Variants in PTPRK observed in about 807,000 individuals in gnomAD.
PTPRK encodes protein tyrosine phosphatase receptor type K.
Under a neutral mutation model 178.0 loss-of-function variants are expected in PTPRK, and 75 were observed. The ratio of observed to expected loss-of-function variants is 0.42; its 90% CI spans 0.35 to 0.51. The LOEUF (loss-of-function observed/expected upper bound fraction) is 0.51, where lower values mean the gene tolerates loss of function less well. PTPRK is among the 20% of genes least tolerant of loss of function. PTPRK has a pLI of 0.02. For synonymous variants in PTPRK, 637 were observed against 620.6 expected (o/e 1.03, Z -0.39); for missense variants, 1,441 against 1,797.8 (o/e 0.80, Z 3.59).
chr6:128,285,814 A>AAAAT (rs200532531), intron 3 of PTPRK, among the ~76,000 whole-genome samples: 11,991 of 151,756 alleles, frequency 0.079, 547 homozygotes, highest in African/African-American at 0.11. Context: ...AAAAGTCTCC[A>AAAAT]AAATAAATAA....
intron 1 of PTPRK, among the ~76,000 whole-genome samples, chr6:128,426,901 G>A (rs1844210880): frequency 1.3e-5 from 2 of 152,174 alleles, no homozygotes; most frequent in South Asian, 4.1e-4. Flanking sequence ...TCAGGGCCTT[G>A]ACTTTTCCTG....
At chr6:128,014,083 C>G (rs1054346814) in intron 13 of PTPRK, among the ~76,000 whole-genome samples, 1 of 151,496 alleles carries the variant, frequency 6.6e-6, no homozygotes, top group Non-Finnish European at 1.5e-5. Flanking sequence ...GAAAGACCAC[C>G]ACTAAGCCTG....
chr6:128,438,061 C>T (rs1035706124), intron 1 of PTPRK, among the ~76,000 whole-genome samples: 2 of 152,236 alleles, frequency 1.3e-5, no homozygotes, highest in African/African-American at 4.8e-5. Flanking sequence ...TAATTTCAAT[C>T]ACCATTTGGA....
chr6:128,265,149 T>G (rs1212152837), intron 3 of PTPRK, among the ~76,000 whole-genome samples: 1 of 152,034 alleles, frequency 6.6e-6, no homozygotes, highest in Non-Finnish European at 1.5e-5. Flanking sequence ...AGAAACGAAG[T>G]GACAAGCTCA....
Position 128,427,066 on chromosome 6 carries a change from G to A in PTPRK, c.101-29378C>T, listed in dbSNP as rs1026674609. Among the ~76,000 whole-genome samples the A allele has an allele frequency of 5.9e-5, 9 of 152,160 alleles. No homozygotes were observed. The East Asian group carries it at 7.7e-4, about 13-fold the overall frequency. On this transcript the variant is annotated intron_variant, in intron 1 of 29. Transcript: ENST00000368226. ...GTAGTTCCCCATCATGTGTTCTAACGTGCCATTAGTACTGAACAGGCACAT... is the reference window on the plus strand; with the variant it reads ...GTAGTTCCCCATCATGTGTTCTAACATGCCATTAGTACTGAACAGGCACAT...
At chr6:128,215,912 A>G (rs1809193044) in intron 6 of PTPRK, among the ~76,000 whole-genome samples, 1 of 152,082 alleles carries the variant, frequency 6.6e-6, no homozygotes, top group Admixed American at 6.6e-5. Context: ...AGCACAGTTA[A>G]TTCTCAGCAC....
chr6:128,143,629 T>C (rs1221776613), intron 7 of PTPRK, among the ~76,000 whole-genome samples: 1 of 152,164 alleles, frequency 6.6e-6, no homozygotes, highest in Non-Finnish European at 1.5e-5. Context: ...TCATGGGCTC[T>C]AGTGCTCCCA....
At chr6:128,030,695 A>T (rs1473013024) in intron 13 of PTPRK, among the ~76,000 whole-genome samples, 1 of 152,214 alleles carries the variant, frequency 6.6e-6, no homozygotes, top group Non-Finnish European at 1.5e-5. Flanking sequence ...TAGCAGCTGG[A>T]TTATTCTTTT....
intron 1 of PTPRK, among the ~76,000 whole-genome samples, chr6:128,428,971 G>A (rs760090428): frequency 2.0e-5 from 3 of 152,170 alleles, no homozygotes; most frequent in Non-Finnish European, 4.4e-5. Context: ...AAGCTAGGTT[G>A]TAATTTTCAT....
intron 6 of PTPRK, among the ~76,000 whole-genome samples, chr6:128,198,293 T>C (rs1805281426): frequency 6.6e-6 from 1 of 152,226 alleles, no homozygotes; most frequent in African/African-American, 2.4e-5. Context: ...TTTCATGATC[T>C]GTCCCCTGCT....
intron 2 of PTPRK, among the ~76,000 whole-genome samples, chr6:128,334,319 A>G (rs1830636965): frequency 6.6e-6 from 1 of 152,182 alleles, no homozygotes; most frequent in South Asian, 2.1e-4. Flanking sequence ...AAGCACAATA[A>G]AACAAGGTAT....
rs553381318 is a variant in PTPRK at position 128,018,484 on chromosome 6, A to G, written c.2195-9216T>C. On this transcript the variant is annotated intron_variant, in intron 13 of 29. Coordinates refer to ENST00000368226, the MANE Select transcript of PTPRK (RefSeq NM_002844.4). ...AACACTAATAGTGAACATTCTTGTC[A>G]GGTGGCCTTAATTTTTTTTTTTTTT... Among the ~76,000 whole-genome samples, 249 of 151,968 alleles carry G rather than the reference A, an allele frequency of 1.6e-3. 1 individual carries two copies. Among genetic ancestry groups the G allele is most frequent in the Non-Finnish European group, 2.9e-3 (196 of 67,946 alleles).
At chr6:128,111,182 C>T (rs1040872994) in intron 7 of PTPRK, among the ~76,000 whole-genome samples, 1 of 152,144 alleles carries the variant, frequency 6.6e-6, no homozygotes, top group Non-Finnish European at 1.5e-5. Context: ...CAACCAAAGA[C>T]CATGTAAAAA....
At chr6:128,007,345 G>A (rs1264277404) in intron 14 of PTPRK, among the ~76,000 whole-genome samples, 1 of 150,620 alleles carries the variant, frequency 6.6e-6, no homozygotes, top group Non-Finnish European at 1.5e-5. Context: ...GCTTTTCCTG[G>A]GTATAAAGGT....
intron 21 of PTPRK, among the ~76,000 whole-genome samples, chr6:127,989,433 CA>C (rs1287547575): frequency 6.6e-6 from 1 of 151,880 alleles, no homozygotes; most frequent in Non-Finnish European, 1.5e-5. Context: ...GGATAACTCA[CA>C]AGTATTTTTA....
intron 3 of PTPRK, among the ~76,000 whole-genome samples, chr6:128,299,671 G>A (rs1825204239): frequency 6.6e-6 from 1 of 152,088 alleles, no homozygotes; most frequent in Non-Finnish European, 1.5e-5. Context: ...CTAGCCTTAT[G>A]TAGAAAGCTG....
At chr6:128,219,898 G>C (rs529161384) in intron 5 of PTPRK, among the ~76,000 whole-genome samples, 2 of 152,270 alleles carry the variant, frequency 1.3e-5, no homozygotes, top group East Asian at 1.9e-4. Flanking sequence ...GAATAATTTA[G>C]AGTCAAACCA....
At chr6:128,333,544 T>TAA (rs11408559) in intron 2 of PTPRK, among the ~76,000 whole-genome samples, 18,887 of 151,608 alleles carry the variant, frequency 0.12, 1,810 homozygotes, top group African/African-American at 0.26. Flanking sequence ...AGTTTATTGC[T>TAA]AAAAAAAATG....
At chr6:128,417,661 A>G (rs1842993797) in intron 1 of PTPRK, among the ~76,000 whole-genome samples, 1 of 152,190 alleles carries the variant, frequency 6.6e-6, no homozygotes, top group Admixed American at 6.5e-5. Context: ...TGGGCCTTCC[A>G]TTTTGATTTG....
Sources: gnomAD v4.1 joint callset for allele counts (sites outside exome capture counted in the v4.1 genomes callset) on GRCh38, gnomAD v4.1.1 for gene constraint, MANE v1.5 for transcripts, NCBI Gene and HGNC (gene_info 2026-07-23, HGNC 2026-07-21) for gene names.